The following MYO5A variants were observed in gnomAD, a reference collection of about 807,000 sequenced individuals.
MYO5A encodes the protein unconventional myosin-Va.
In MYO5A, 98 loss-of-function variants were observed where a neutral mutation model predicts 249.7. That is an observed-to-expected ratio of 0.39 (90% CI 0.33 to 0.46). The LOEUF (loss-of-function observed/expected upper bound fraction) is 0.46, where lower values mean the gene tolerates loss of function less well. MYO5A is among the 20% of genes least tolerant of loss of function. The pLI, the probability that MYO5A is intolerant of heterozygous loss-of-function variation, is 0.98. For missense variants in MYO5A, 1,696 were observed against 2,308.8 expected (o/e 0.73, Z 5.44); for synonymous variants, 778 against 810.6 (o/e 0.96, Z 0.68).
intron 1 of MYO5A, among the ~76,000 whole-genome samples, chr15:52,519,616 AAATAAT>A (rs976995501): frequency 9.8e-5 from 6 of 61,524 alleles, no homozygotes; most frequent in African/African-American, 2.1e-4. Flanking sequence ...TGTCTAAAAA[AAATAAT>A]AATAATAATA....
chr15:52,352,973 A>G (rs1363219548), intron 27 of MYO5A, among the ~76,000 whole-genome samples: 1 of 152,184 alleles, frequency 6.6e-6, no homozygotes, highest in African/African-American at 2.4e-5. Flanking sequence ...AGACACATAA[A>G]TGTCATTACT....
intron 1 of MYO5A, among the ~76,000 whole-genome samples, chr15:52,526,818 G>T (rs918847362): frequency 3.9e-5 from 6 of 151,942 alleles, no homozygotes; most frequent in African/African-American, 1.5e-4. Flanking sequence ...ATTATCCTGG[G>T]GGAAAAAAGC....
intron 1 of MYO5A, among the ~76,000 whole-genome samples, chr15:52,460,429 GC>G (rs1380154533): frequency 9.9e-5 from 15 of 152,208 alleles, no homozygotes; most frequent in Admixed American, 6.5e-5. Flanking sequence ...CAGACCACTC[GC>G]CGTCAGGAGC....
intron 9 of MYO5A, among the ~76,000 whole-genome samples, chr15:52,399,374 T>C (rs560436415): frequency 3.5e-4 from 54 of 152,312 alleles, no homozygotes; most frequent in Middle Eastern, 3.4e-3. Flanking sequence ...CGTACCTCAC[T>C]GTAGCCTCAA....
At chr15:52,512,818 TC>T (rs1000131681) in intron 1 of MYO5A, among the ~76,000 whole-genome samples, 1 of 152,146 alleles carries the variant, frequency 6.6e-6, no homozygotes, top group Non-Finnish European at 1.5e-5. Flanking sequence ...AGGCAGTTGT[TC>T]CAGTTGCCTT....
rs1185271751 is a variant in MYO5A, at chr15:52,397,308, G to A, written c.1212C>T (p.Ala404=). 1 of 1,614,108 alleles carries A rather than the reference G, an allele frequency of 6.2e-7. No individual in the cohort carries two copies. Among genetic ancestry groups the A allele is most frequent in the African/African-American group, 1.3e-5 (1 of 75,026 alleles). The change falls in exon 10 of 42, where the codon GCC becomes GCT. Residue 404 remains alanine, a synonymous_variant. Coordinates refer to ENST00000399233, the MANE Select transcript of MYO5A (RefSeq NM_001382347.1). ...TAAAGAGCTTGGCATAGATGTGCTTGGCCAAAGCATCGCGGGCATTCGTGG... is the reference window on the plus strand; with the variant it reads ...TAAAGAGCTTGGCATAGATGTGCTTAGCCAAAGCATCGCGGGCATTCGTGG... ...LQATNARDAL[A]KHIYAKLFNW... is the part of the protein sequence containing the mutation.
chr15:52,344,570 C>T (rs2039528425), intron 30 of MYO5A, among the ~76,000 whole-genome samples: 1 of 152,228 alleles, frequency 6.6e-6, no homozygotes, highest in Non-Finnish European at 1.5e-5. Context: ...TGCCACCAGC[C>T]AAGCCCAAGT....
At chr15:52,366,683 T>C (rs2040830724) in intron 23 of MYO5A, among the ~76,000 whole-genome samples, 1 of 133,658 alleles carries the variant, frequency 7.5e-6, no homozygotes, top group African/African-American at 2.7e-5. Flanking sequence ...AATATACACA[T>C]ATCAGCTCAA....
chr15:52,371,039 G>A (rs1034149136), intron 21 of MYO5A, among the ~76,000 whole-genome samples: 1 of 151,832 alleles, frequency 6.6e-6, no homozygotes, highest in Admixed American at 6.6e-5. Context: ...CTTGAGCCCA[G>A]GAGTTTGAGG....
intron 1 of MYO5A, among the ~76,000 whole-genome samples, chr15:52,503,796 A>G (rs1329334701): frequency 6.6e-6 from 1 of 152,142 alleles, no homozygotes; most frequent in East Asian, 1.9e-4. Flanking sequence ...CAAGGGTCCT[A>G]TGTATTTTCT....
At chr15:52,431,408 A>G (rs1296110857) in intron 2 of MYO5A, among the ~76,000 whole-genome samples, 1 of 151,896 alleles carries the variant, frequency 6.6e-6, no homozygotes, top group Admixed American at 6.6e-5. Flanking sequence ...AAACACATAC[A>G]TACATATGTA....
chr15:52,491,939 G>A (rs1298262195), intron 1 of MYO5A, among the ~76,000 whole-genome samples: 1 of 152,144 alleles, frequency 6.6e-6, no homozygotes, highest in Non-Finnish European at 1.5e-5. Context: ...GATAGAGTAC[G>A]AACCTATAGC....
intron 1 of MYO5A, among the ~76,000 whole-genome samples, chr15:52,507,409 G>T (rs1040179409): frequency 6.6e-6 from 1 of 152,218 alleles, no homozygotes; most frequent in African/African-American, 2.4e-5. Flanking sequence ...TGACATTGCT[G>T]AGTTGTAGAC....
chr15:52,347,165 AT>A (rs1399637449), intron 29 of MYO5A, among the ~76,000 whole-genome samples: 1 of 152,120 alleles, frequency 6.6e-6, no homozygotes, highest in Non-Finnish European at 1.5e-5. Flanking sequence ...GTTTAGTCAA[AT>A]CTGTCTGACA....
intron 21 of MYO5A, among the ~76,000 whole-genome samples, chr15:52,371,104 A>C (rs1276413381): frequency 6.6e-6 from 1 of 150,966 alleles, no homozygotes; most frequent in Non-Finnish European, 1.5e-5. Context: ...CAGGGTGAGA[A>C]TCTGTCCTAA....
intron 36 of MYO5A, among the ~76,000 whole-genome samples, chr15:52,326,684 T>C (rs2038626542): frequency 6.6e-6 from 1 of 152,226 alleles, no homozygotes; most frequent in African/African-American, 2.4e-5. Context: ...ACTGTACACT[T>C]AAAAATGGTG....
intron 1 of MYO5A, among the ~76,000 whole-genome samples, chr15:52,468,509 A>C (rs982932150): frequency 2.6e-5 from 4 of 152,044 alleles, no homozygotes; most frequent in Admixed American, 6.6e-5. Flanking sequence ...ATGTAAAAAA[A>C]ATTTTTTTTA....
Position 52,433,267 on chromosome 15 carries a change from G to C in MYO5A, c.46C>G (p.Pro16Ala), listed in dbSNP as rs369664207. The change falls in exon 2 of 42, where the codon CCT becomes GCT. Residue 16 changes from proline (P) to alanine (A), a missense_variant. By Grantham distance (27) the Pro-to-Ala change is conservative. This residue lies in a region of MYO5A where 197 missense variants were observed against 320.3 expected (regional missense o/e 0.62). Coordinates refer to ENST00000399233, the MANE Select transcript of MYO5A (RefSeq NM_001382347.1). ...GACTTCCAGACTTCCTCTGGATCAG[G>C]TATCCAAACCCTGGCAAACTAGAAG... ...LYTKFARVWIPDPEEVWKSAE... is the reference protein window; with the variant it reads ...LYTKFARVWIADPEEVWKSAE... 2.8e-5 allele frequency: 45 copies of C among 1,613,062 alleles called. No individual in the cohort carries two copies. Among genetic ancestry groups the C allele is most frequent in the African/African-American group, 4.0e-5 (3 of 74,862 alleles).
intron 31 of MYO5A, 97 bp from the exon 32 acceptor site, chr15:52,340,491 G>A: frequency 9.5e-7 from 1 of 1,055,780 alleles, no homozygotes; most frequent in Non-Finnish European, 1.4e-6. Context: ...AGTAGGAAAA[G>A]CAGATATTCT....
Sources: allele counts gnomAD v4.1 joint callset (sites outside exome capture counted in the v4.1 genomes callset), GRCh38; gene constraint gnomAD v4.1.1; regional missense constraint gnomAD v4.1.1; transcripts MANE v1.5; gene names NCBI Gene and HGNC (gene_info 2026-07-23, HGNC 2026-07-21).